The following CNTRL variants were observed in gnomAD, a reference collection of about 807,000 sequenced individuals.
CNTRL encodes 110 kDa centrosomal protein.
In CNTRL, 233 loss-of-function variants were observed where a neutral mutation model predicts 303.7. That is an observed-to-expected ratio of 0.77 (90% CI 0.69 to 0.86). The LOEUF is 0.86. CNTRL is among the 40% of genes least tolerant of loss of function. The pLI is 0.00. For missense variants in CNTRL, 2,524 were observed against 2,650.6 expected (o/e 0.95, Z 1.05); for synonymous variants, 900 against 922.2 (o/e 0.98, Z 0.44).
chr9:121,086,662 AT>A (rs2048356433), intron 2 of CNTRL, among the ~76,000 whole-genome samples: 1 of 132,544 alleles, frequency 7.5e-6, no homozygotes, highest in Non-Finnish European at 1.6e-5. Context: ...TTTTCCTGAG[AT>A]GGAGTCTCGC....
At chr9:121,118,230 T>C in intron 11 of CNTRL, 116 bp from the exon 12 acceptor site, 1 of 840,958 alleles carries the variant, frequency 1.2e-6, no homozygotes, top group Non-Finnish European at 1.7e-6. Flanking sequence ...CACATTTCAC[T>C]TTTATTTTTA....
intron 14 of CNTRL, among the ~76,000 whole-genome samples, chr9:121,126,471 T>C (rs1271174950): frequency 1.3e-5 from 2 of 152,228 alleles, no homozygotes; most frequent in East Asian, 3.8e-4. Flanking sequence ...TCCAAACTTC[T>C]TGTTCAGTAG....
Position 121,150,397 on chromosome 9 carries a change from G to A in CNTRL, c.3877G>A (p.Val1293Met), listed in dbSNP as rs772493637. Reference protein sequence around the residue: ...YGPPPAGAPMVYGPPPPNFSI... With the variant: ...YGPPPAGAPMMYGPPPPNFSI... ...CCCACCTCCTGCTGGGGCCCCCATG[G>A]TGTATGGGCCTCCACCCCCCAACTT... Residue 1293 changes from valine (V) to methionine (M), a missense_variant, in exon 25 of 44, where the codon GTG (valine) becomes ATG (methionine). Transcript: ENST00000373855. 6.2e-7 allele frequency: 1 copy of A among 1,614,128 alleles called. No homozygotes were observed. Among genetic ancestry groups the A allele is most frequent in the Non-Finnish European group, 8.5e-7 (1 of 1,180,016 alleles).
Position 121,144,949 on chromosome 9 carries a change from A to T in CNTRL, c.3158A>T (p.Lys1053Met), listed in dbSNP as rs760799657. ...CTCCTGCAGAATCTCCTCAGGCAGA[A>T]GGGGGAGCAGGTCAGTGTTGGTACC... is the stretch of plus-strand genomic sequence containing the variant. ...IELLQNLLRQ[K>M]GEQFRLEMEK... Residue 1053 changes from lysine (K) to methionine (M), a missense_variant, in exon 21 of 44, where the codon AAG becomes ATG. Physicochemically the swap from Lys to Met is moderately conservative, Grantham distance 95. Transcript: ENST00000373855. 1.2e-6 allele frequency: 2 copies of T among 1,613,008 alleles called. No homozygotes were observed. The highest frequency in any genetic ancestry group is 1.7e-6 in the Non-Finnish European group (2 of 1,179,334).
intron 34 of CNTRL, among the ~76,000 whole-genome samples, chr9:121,164,579 GTAC>G (rs1190843391): frequency 6.6e-6 from 1 of 152,200 alleles, no homozygotes; most frequent in African/African-American, 2.4e-5. Context: ...CTCCCTTTAT[GTAC>G]TACAATACAT....
chr9:121,140,489 G>A lies in CNTRL; in HGVS notation c.2338-152G>A, dbSNP rs530854742. On this transcript the variant is annotated intron_variant, in intron 16 of 43. Transcript: ENST00000373855. ...ACATTGTTACACTGAGTTTGAAGTAGATTAATCATACGGAAATTTTAGAAA... is the reference window on the plus strand; with the variant it reads ...ACATTGTTACACTGAGTTTGAAGTAAATTAATCATACGGAAATTTTAGAAA... 8.3e-6 allele frequency: 5 copies of A among 600,012 alleles called. No individual in the cohort carries two copies. The South Asian group carries it at 1.2e-4, about 14-fold the overall frequency. The allele number at this position is 600,012 out of a possible 1,614,324, so 37.2% of individuals were successfully genotyped here. A position where few individuals can be genotyped will look rare whatever the true frequency, so the allele number is the denominator to read the frequency against.
chr9:121,143,425 T>G (rs139994292), intron 19 of CNTRL, among the ~76,000 whole-genome samples: 239 of 152,330 alleles, frequency 1.6e-3, no homozygotes, highest in African/African-American at 5.4e-3. Context: ...AAATGTCAAG[T>G]GGCTGTAATC....
intron 7 of CNTRL, among the ~76,000 whole-genome samples, chr9:121,099,725 G>C (rs1467234136): frequency 2.6e-5 from 4 of 152,210 alleles, no homozygotes; most frequent in African/African-American, 9.7e-5. Context: ...TGACCTGACA[G>C]AGCTGAAAAC....
At position 121,107,972 on chromosome 9, in the gene CNTRL, G is replaced by A; in HGVS notation, c.979G>A (p.Asp327Asn). ...QKQSCEELKS[D>N]LNTKNELLKQ... ...ACAGAGCTGTGAGGAACTCAAGAGT[G>A]ACTTAAACACAAAAAATGAATTGGT... The change falls in exon 8 of 44, where the codon GAC becomes AAC. Residue 327 changes from aspartate to asparagine, a missense_variant. By Grantham distance (23) the Asp-to-Asn change is conservative (BLOSUM62 1). Coordinates refer to ENST00000373855, the MANE Select transcript of CNTRL (RefSeq NM_007018.6). 6.3e-7 allele frequency: 1 copy of A among 1,579,220 alleles called. No homozygotes were observed. Among genetic ancestry groups the A allele is most frequent in the Middle Eastern group, 1.7e-4 (1 of 5,894 alleles).
chr9:121,168,137 CAAATTAG>C lies in CNTRL; in HGVS notation c.5890_5896del (p.Leu1964ProfsTer4), dbSNP rs777460585. On this transcript the variant is annotated frameshift_variant, in exon 38 of 44. Coordinates refer to ENST00000373855, the MANE Select transcript of CNTRL (RefSeq NM_007018.6). LOFTEE classifies it high-confidence loss of function. ...AGAAAGAGAGAGAAAGTGAAGAAAG[CAAATTAG>C]AAACCAGTAAAGTGACACTGAAGGA... The C allele has an allele frequency of 1.1e-5, 18 of 1,613,564 alleles. No individual in the cohort carries two copies. Among genetic ancestry groups the C allele is most frequent in the Non-Finnish European group, 1.5e-5 (18 of 1,180,000 alleles).
At chr9:121,091,428 G>C (rs1345875457) in intron 4 of CNTRL, among the ~76,000 whole-genome samples, 2 of 152,182 alleles carry the variant, frequency 1.3e-5, no homozygotes, top group East Asian at 3.8e-4. Context: ...AAATCTTAGA[G>C]TGGTGAAGGT....
chr9:121,169,542 G>A (rs569419070), intron 38 of CNTRL, 69 bp from the exon 39 acceptor site: 12 of 1,469,724 alleles, frequency 8.2e-6, no homozygotes, highest in African/African-American at 2.8e-5. Flanking sequence ...TCTGCCACAA[G>A]GGAAGGGGAG....
chr9:121,175,535 C>T (rs931880772), intron 43 of CNTRL, among the ~76,000 whole-genome samples: 12 of 152,218 alleles, frequency 7.9e-5, no homozygotes, highest in Non-Finnish European at 1.3e-4. Flanking sequence ...TCCCAAAATG[C>T]TGGGATTACA....
chr9:121,135,129 G>C (rs957051420), intron 14 of CNTRL, among the ~76,000 whole-genome samples: 2 of 152,112 alleles, frequency 1.3e-5, no homozygotes, highest in Non-Finnish European at 2.9e-5. Flanking sequence ...AACACAAATG[G>C]ACTAAAATGA....
rs755050864 is a variant in CNTRL, at chr9:121,088,409, C to G, written c.83C>G (p.Ser28Cys). ...CACTCTCCTATCCCATCATCTATGT[C>G]CAATATGAGATCTAGGTCACTTTCA... Reference protein sequence around the residue: ...SSHSPIPSSMSNMRSRSLSPL... With the variant: ...SSHSPIPSSMCNMRSRSLSPL... Residue 28 changes from serine (S) to cysteine (C), a missense_variant, in exon 3 of 44, where the codon TCC (serine) becomes TGC (cysteine). Ser to Cys is a moderately radical substitution (Grantham distance 112, BLOSUM62 -1). Coordinates refer to ENST00000373855, the MANE Select transcript of CNTRL (RefSeq NM_007018.6). 2 of 1,611,902 alleles carry G rather than the reference C, an allele frequency of 1.2e-6. No individual in the cohort carries two copies. Among genetic ancestry groups the G allele is most frequent in the Non-Finnish European group, 1.7e-6 (2 of 1,178,114 alleles).
intron 6 of CNTRL, among the ~76,000 whole-genome samples, 181 bp downstream of exon 6, chr9:121,096,744 C>G (rs1029717159): frequency 6.6e-6 from 1 of 152,124 alleles, no homozygotes; most frequent in African/African-American, 2.4e-5. Flanking sequence ...CCTCATTTTG[C>G]ATGGGTTCCT....
chr9:121,113,333 T>C (rs2049835832), intron 9 of CNTRL, among the ~76,000 whole-genome samples, 169 bp from the exon 10 acceptor site: 2 of 152,158 alleles, frequency 1.3e-5, no homozygotes, highest in African/African-American at 2.4e-5. Context: ...TTTTTTGGTA[T>C]ATTAAGAAGA....
chr9:121,095,092 A>G, intron 5 of CNTRL, 74 bp downstream of exon 5: 1 of 1,096,702 alleles, frequency 9.1e-7, no homozygotes, highest in Admixed American at 2.6e-5. Flanking sequence ...TGTTATCCAC[A>G]TTACTGAAAG....
Position 121,118,462 on chromosome 9 carries a change from G to A in CNTRL, c.1572G>A (p.Gln524=). The A allele has an allele frequency of 2.5e-6, 4 of 1,613,016 alleles. No individual in the cohort carries two copies. The Middle Eastern group carries it at 5.0e-4, about 200-fold the overall frequency. ...AACTGCAGATGGAAAAGCAAAAGCA[G>A]GAAATTGCCGGAAAGCAGAAGGAGA... ...DLELQMEKQK[Q]EIAGKQKEIK... Residue 524 remains glutamine (Q), a synonymous_variant, in exon 12 of 44, where the codon CAG becomes CAA. Transcript: ENST00000373855.
Sources: allele counts gnomAD v4.1 joint callset (sites outside exome capture counted in the v4.1 genomes callset), GRCh38; gene constraint gnomAD v4.1.1; transcripts MANE v1.5; gene names NCBI Gene and HGNC (gene_info 2026-07-23, HGNC 2026-07-21).